PDE5A: variants seen among roughly 807,000 people sequenced by gnomAD.
PDE5A encodes the protein cGMP-specific 3',5'-cyclic phosphodiesterase.
A neutral mutation model predicts 110.2 loss-of-function variants in PDE5A; 67 were observed. The observed-to-expected ratio is 0.61, with a 90% CI of 0.50 to 0.75. PDE5A has a LOEUF of 0.75. PDE5A is among the 30% of genes least tolerant of loss of function. The pLI is 0.00. For synonymous variants in PDE5A, 328 were observed against 351.2 expected, an observed-to-expected ratio of 0.93 and a Z score of 0.74; for missense variants, 862 against 1,045.1, an observed-to-expected ratio of 0.82 and a Z score of 2.42.
intron 7 of PDE5A, among the ~76,000 whole-genome samples, chr4:119,557,803 ACAAT>A (rs1393758549): frequency 3.9e-5 from 6 of 152,230 alleles, no homozygotes; most frequent in Admixed American, 6.5e-5. Context: ...ACATTTAAAT[ACAAT>A]CAATCTGACT....
chr4:119,611,892 A>G (rs1560642167), intron 1 of PDE5A, among the ~76,000 whole-genome samples: 1 of 152,166 alleles, frequency 6.6e-6, no homozygotes, highest in Non-Finnish European at 1.5e-5. Flanking sequence ...ATCATTTCTC[A>G]CACATCTTTC....
At chr4:119,507,862 T>C (rs1305432023) in intron 15 of PDE5A, among the ~76,000 whole-genome samples, 158 bp from the exon 16 acceptor site, 3 of 151,926 alleles carry the variant, frequency 2.0e-5, no homozygotes, top group Admixed American at 6.6e-5. Context: ...CCCTCTATGT[T>C]CCCACCCAAC....
At position 119,503,666 on chromosome 4, in the gene PDE5A, C is replaced by T. The variant is rs879816578; in HGVS notation, c.2331+870G>A. ...AAACCTAAAATGCTGGTTCAATGAG[C>T]ATTTTCTTTAAGTGTCATGTCAGTA... On this transcript the variant is annotated intron_variant, in intron 18 of 20. Coordinates refer to ENST00000354960, the MANE Select transcript of PDE5A (RefSeq NM_001083.4). Among the ~76,000 whole-genome samples the T allele has an allele frequency of 2.6e-4, 40 of 152,192 alleles. No homozygotes were observed. In the Middle Eastern group the frequency reaches 0.01, roughly 39 times the overall value.
chr4:119,608,920 G>C (rs1188732104), intron 1 of PDE5A, among the ~76,000 whole-genome samples: 1 of 152,112 alleles, frequency 6.6e-6, no homozygotes, highest in African/African-American at 2.4e-5. Flanking sequence ...CCAGCACTTT[G>C]GGAGGCCGAG....
At chr4:119,614,137 G>A (rs998241436) in intron 1 of PDE5A, among the ~76,000 whole-genome samples, 11 of 151,424 alleles carry the variant, frequency 7.3e-5, no homozygotes, top group Non-Finnish European at 1.5e-4. Context: ...AAGGACTCAG[G>A]GAACAAAGAT....
In PDE5A at chr4:119,525,789, T is replaced by C; in HGVS notation, c.1633-94A>G. 8 of 1,279,214 alleles carry C rather than the reference T, an allele frequency of 6.3e-6. No individual in the cohort carries two copies. The highest frequency in any genetic ancestry group is 7.5e-6 in the Non-Finnish European group (7 of 928,778). 79.2% of individuals were successfully genotyped at this position (1,279,214 alleles called of 1,614,324 possible). ...TGTTTTGCTGCAGAGAAATAGCATA[T>C]TGTGGCTTTTTTTTCCTTTTTAATG... On this transcript the variant is annotated intron_variant, in intron 11 of 20. Transcript: ENST00000354960. The surrounding 1 kb of genome is among the most constrained non-coding windows in gnomAD (Gnocchi z 4.3).
At chr4:119,591,074 T>C (rs1282362685) in intron 3 of PDE5A, among the ~76,000 whole-genome samples, 1 of 152,214 alleles carries the variant, frequency 6.6e-6, no homozygotes, top group African/African-American at 2.4e-5. Flanking sequence ...AACATGTTTC[T>C]CTTAAGTTTA....
At chr4:119,544,910 G>T (rs561448937) in intron 9 of PDE5A, among the ~76,000 whole-genome samples, 54 of 152,084 alleles carry the variant, frequency 3.6e-4, no homozygotes, top group African/African-American at 1.3e-3. Context: ...AAATATCAAG[G>T]TTCTGCTATA....
intron 1 of PDE5A, among the ~76,000 whole-genome samples, chr4:119,608,424 C>T (rs1729619238): frequency 1.3e-5 from 2 of 152,198 alleles, no homozygotes; most frequent in African/African-American, 4.8e-5. Flanking sequence ...TGTAGTCTTA[C>T]ACCAGTTAAT....
At position 119,574,973 on chromosome 4, in the gene PDE5A, A is replaced by G. The variant is rs569478017; in HGVS notation, c.832-7829T>C. On this transcript the variant is annotated intron_variant, in intron 3 of 20. Transcript: ENST00000354960. ...GATGAATGGCTAACTAGAATAACCA[A>G]TGCAGAGAAGTCCTTAAAGGACCGG... Among the ~76,000 whole-genome samples, 7 of 152,336 alleles carry G rather than the reference A, an allele frequency of 4.6e-5. No homozygotes were observed. In the East Asian group the frequency reaches 9.6e-4, roughly 21 times the overall value.
intron 3 of PDE5A, among the ~76,000 whole-genome samples, chr4:119,577,398 C>G (rs932065328): frequency 6.6e-5 from 10 of 151,914 alleles, no homozygotes; most frequent in South Asian, 2.1e-4. Context: ...GAGAATTTTA[C>G]ACCAATATCC....
chr4:119,530,798 C>A (rs549519930), intron 11 of PDE5A, among the ~76,000 whole-genome samples: 3 of 152,064 alleles, frequency 2.0e-5, no homozygotes, highest in Non-Finnish European at 4.4e-5. Flanking sequence ...TGGCATAGAG[C>A]TATAGTACAG....
chr4:119,510,805 G>T (rs1305841153), intron 15 of PDE5A, among the ~76,000 whole-genome samples: 1 of 152,026 alleles, frequency 6.6e-6, no homozygotes, highest in Non-Finnish European at 1.5e-5. Context: ...TTCTAATTTG[G>T]AATAGCCACG....
At position 119,607,058 on chromosome 4, in the gene PDE5A, T is replaced by G. The variant is rs770460612; in HGVS notation, c.392A>C (p.Lys131Thr). 4.3e-6 allele frequency: 7 copies of G among 1,614,216 alleles called. No individual in the cohort carries two copies. Among genetic ancestry groups the G allele is most frequent in the South Asian group, 3.3e-5 (3 of 91,086 alleles). ...TGGAGGGGTTAGAGGCATCTGTTCC[T>G]TCTTTTCTGAGTCAGAGAGGAAGCT... is the stretch of plus-strand genomic sequence containing the variant. ...TVSFLSDSEK[K>T]EQMPLTPPRF... The change falls in exon 2 of 21, where the codon AAG (lysine) becomes ACG (threonine). Residue 131 changes from lysine to threonine, a missense_variant. By Grantham distance (78) the Lys-to-Thr change is moderately conservative. Transcript: ENST00000354960.
At chr4:119,528,540 G>C (rs1485636591) in intron 11 of PDE5A, among the ~76,000 whole-genome samples, 2 of 152,174 alleles carry the variant, frequency 1.3e-5, no homozygotes, top group African/African-American at 4.8e-5. Context: ...AACTTAAAAG[G>C]AAGGTGAAGC....
intron 14 of PDE5A, among the ~76,000 whole-genome samples, chr4:119,517,436 TG>T (rs1176358837): frequency 1.3e-5 from 2 of 151,734 alleles, no homozygotes; most frequent in African/African-American, 2.4e-5. Flanking sequence ...GGAAAATTCT[TG>T]GTTTCCTCTA....
chr4:119,611,760 G>A (rs1335768000), intron 1 of PDE5A, among the ~76,000 whole-genome samples: 1 of 152,162 alleles, frequency 6.6e-6, no homozygotes, highest in East Asian at 1.9e-4. Context: ...CCAGTGGTAG[G>A]GAAAGAGAGT....
intron 11 of PDE5A, among the ~76,000 whole-genome samples, chr4:119,528,539 GGAAGGT>G (rs1183255252): frequency 6.6e-6 from 1 of 152,052 alleles, no homozygotes; most frequent in Non-Finnish European, 1.5e-5. Context: ...AAACTTAAAA[GGAAGGT>G]GAAGCAAGTG....
chr4:119,596,551 C>T lies in PDE5A; in HGVS notation c.803G>A (p.Cys268Tyr), dbSNP rs1463610073. ...ITGYKTQSILCMPIKNHREEV... is the reference protein window; with the variant it reads ...ITGYKTQSILYMPIKNHREEV... ...TTCCCTATGATTCTTAATTGGCATA[C>T]AAAGAATGCTTTGTGTCTTGTAGCC... Residue 268 changes from cysteine to tyrosine, a missense_variant, in exon 3 of 21, where the codon TGT becomes TAT. Transcript: ENST00000354960. 2 of 1,596,422 alleles carry T rather than the reference C, an allele frequency of 1.3e-6. No homozygotes were observed. The highest frequency in any genetic ancestry group is 1.7e-6 in the Non-Finnish European group (2 of 1,170,790).
Sources: gnomAD v4.1 joint callset for allele counts (sites outside exome capture counted in the v4.1 genomes callset) on GRCh38, gnomAD v4.1.1 for gene constraint, Gnocchi (gnomAD v3.1) non-coding constraint, MANE v1.5 for transcripts, NCBI Gene and HGNC (gene_info 2026-07-23, HGNC 2026-07-21) for gene names.